The following ARSL variants were observed in gnomAD, a reference collection of about 807,000 sequenced individuals.
The protein encoded by ARSL is arylsulfatase E (chondrodysplasia punctata 1).
ARSL carries 4 observed loss-of-function variants against 31.1 expected under a neutral mutation model. The ratio of observed to expected loss-of-function variants is 0.13; its 90% CI spans 0.06 to 0.29. The LOEUF is 0.29. ARSL is among the 10% of genes least tolerant of loss of function. ARSL has a pLI of 1.00. For missense variants in ARSL, 312 were observed against 497.8 expected (o/e 0.63, Z 3.55); for synonymous variants, 198 against 209.9 (o/e 0.94, Z 0.49).
intron 8 of ARSL, among the ~76,000 whole-genome samples, chrX:2,940,665 G>GTGGAC (rs1225504886): frequency 1.8e-5 from 2 of 109,262 alleles, no homozygotes; most frequent in Non-Finnish European, 3.8e-5. Flanking sequence ...ACATGTGGTG[G>GTGGAC]CTCATGCCTG....
At chrX:2,954,755 C>T (rs367983804) in intron 4 of ARSL, among the ~76,000 whole-genome samples, 12 of 111,849 alleles carry the variant, frequency 1.1e-4, no homozygotes, top group East Asian at 5.6e-4. Flanking sequence ...TTCAAGAGGA[C>T]GCAGGGGTGA....
At position 2,964,341 on chromosome X, in the gene ARSL, C is replaced by T; in HGVS notation, c.-138G>A. 4.0e-6 allele frequency: 3 copies of T among 754,126 alleles called. No homozygotes were observed. Among genetic ancestry groups the T allele is most frequent in the Non-Finnish European group, 4.7e-6 (3 of 639,369 alleles). 62.1% of individuals were successfully genotyped at this position (754,126 alleles called of 1,213,427 possible). A position where few individuals can be genotyped will look rare whatever the true frequency, so the allele number is the denominator to read the frequency against. On this transcript the variant is annotated 5_prime_UTR_variant, in exon 1 of 11. Coordinates refer to ENST00000381134, the MANE Select transcript of ARSL (RefSeq NM_000047.3). ...AAGGCTTTGAGCTGGGAATGATTAA[C>T]TTCGAGTTTGTTTTTCCCAAGTCAG...
chrX:2,959,763 G>A, intron 2 of ARSL: 1 of 1,112,263 alleles, frequency 9.0e-7, no homozygotes, highest in Admixed American at 3.0e-5. Flanking sequence ...ACCATCAAGA[G>A]ATCCAGAAGC....
At chrX:2,936,700 A>T in intron 10 of ARSL, 42 bp downstream of exon 10, 2 of 1,206,569 alleles carry the variant, frequency 1.7e-6, no homozygotes, top group Non-Finnish European at 2.2e-6. Context: ...GCACAGAGGG[A>T]CTCTTTCCCT....
intron 8 of ARSL, among the ~76,000 whole-genome samples, chrX:2,938,842 A>T (rs1408643953): frequency 1.8e-5 from 2 of 110,775 alleles, no homozygotes; most frequent in Non-Finnish European, 3.8e-5. Context: ...AAATGCAATG[A>T]CAGATGTCCT....
chrX:2,944,169 C>G (rs1294756972), intron 7 of ARSL, among the ~76,000 whole-genome samples: 1 of 110,245 alleles, frequency 9.1e-6, no homozygotes, highest in Non-Finnish European at 1.9e-5. Flanking sequence ...GAGTGAGACC[C>G]TGTCGGCCAG....
upstream of ARSL, chrX:2,968,112 C>T: frequency 8.7e-7 from 1 of 1,154,851 alleles, no homozygotes; most frequent in South Asian, 1.9e-5. Flanking sequence ...CGTGCAAAAG[C>T]CGGCCTGTAA....
At chrX:2,940,844 G>A (rs779482242) in intron 8 of ARSL, among the ~76,000 whole-genome samples, 55 of 111,724 alleles carry the variant, frequency 4.9e-4, no homozygotes, top group Non-Finnish European at 8.1e-4. Flanking sequence ...GCTGAGACAG[G>A]AGGATCACTT....
chrX:2,966,414 T>C (rs1232707772), upstream of ARSL, among the ~76,000 whole-genome samples: 1 of 109,505 alleles, frequency 9.1e-6, no homozygotes, highest in Non-Finnish European at 1.9e-5. Context: ...ATTTATATAT[T>C]CATAATTATT....
upstream of ARSL, among the ~76,000 whole-genome samples, chrX:2,966,708 CA>C (rs1222285957): frequency 9.3e-6 from 1 of 107,874 alleles, no homozygotes; most frequent in African/African-American, 3.3e-5. Flanking sequence ...CTTTTCTTTA[CA>C]AAAATAATAT....
chrX:2,943,575 C>G (rs1439488305), intron 7 of ARSL, among the ~76,000 whole-genome samples: 1 of 108,089 alleles, frequency 9.3e-6, no homozygotes, highest in Non-Finnish European at 1.9e-5. Flanking sequence ...AACTACATCT[C>G]TACTAAAAAT....
At chrX:2,962,172 T>C (rs1325053463) in intron 1 of ARSL, among the ~76,000 whole-genome samples, 2 of 111,473 alleles carry the variant, frequency 1.8e-5, no homozygotes, top group East Asian at 5.6e-4. Flanking sequence ...CTAAAATGTA[T>C]AAAACAAGCT....
chrX:2,959,592 T>C, intron 2 of ARSL: 1 of 1,145,998 alleles, frequency 8.7e-7, no homozygotes, highest in Non-Finnish European at 1.1e-6. Context: ...ATGGTAGCGG[T>C]TGATGCCCAC....
chrX:2,967,925 C>T (rs776104190), upstream of ARSL, among the ~76,000 whole-genome samples: 3 of 112,295 alleles, frequency 2.7e-5, no homozygotes, highest in South Asian at 3.7e-4. Context: ...CATCTTCCCT[C>T]GTTGCTTTTT....
At chrX:2,943,221 G>C in intron 7 of ARSL, 22 bp from the exon 8 acceptor site, 1 of 1,208,974 alleles carries the variant, frequency 8.3e-7, no homozygotes. Flanking sequence ...AGATGTTTTT[G>C]GGGCCGTCGA....
chrX:2,935,677 CTT>C, intron 10 of ARSL, among the ~76,000 whole-genome samples: 1 of 100,248 alleles, frequency 1.0e-5, no homozygotes, highest in Non-Finnish European at 2.0e-5. Flanking sequence ...TTTTTCTTTT[CTT>C]TTCTTTTCTT....
At chrX:2,939,286 C>G (rs1289916483) in intron 8 of ARSL, among the ~76,000 whole-genome samples, 1 of 111,670 alleles carries the variant, frequency 9.0e-6, no homozygotes, top group Non-Finnish European at 1.9e-5. Flanking sequence ...CCTGGGGCCC[C>G]CAGGAGTTGG....
At chrX:2,961,463 C>G (rs1204427043) in intron 1 of ARSL, among the ~76,000 whole-genome samples, 2 of 111,573 alleles carry the variant, frequency 1.8e-5, no homozygotes, top group Non-Finnish European at 3.8e-5. Context: ...CAAAAATTCT[C>G]ATCAGAAGGG....
chrX:2,960,085 C>T (rs1441457933), intron 2 of ARSL, among the ~76,000 whole-genome samples: 38 of 101,127 alleles, frequency 3.8e-4, no homozygotes, highest in Middle Eastern at 5.1e-3. Flanking sequence ...CTGGCTAACA[C>T]GGTGAAACCC....
Sources: gnomAD v4.1 joint callset for allele counts (sites outside exome capture counted in the v4.1 genomes callset) on GRCh38, gnomAD v4.1.1 for gene constraint, MANE v1.5 for transcripts, NCBI Gene and HGNC (gene_info 2026-07-23, HGNC 2026-07-21) for gene names.